GRM8: variants seen among roughly 807,000 people sequenced by gnomAD.
GRM8 encodes the protein glutamate metabotropic receptor 8.
In GRM8, 47 loss-of-function variants were observed where a neutral mutation model predicts 87.2. That is an observed-to-expected ratio of 0.54 (90% CI 0.43 to 0.69). The LOEUF (loss-of-function observed/expected upper bound fraction) is 0.69. Ranked by LOEUF, GRM8 falls within the 30% of genes least tolerant of loss-of-function variation. The pLI, the probability that GRM8 is intolerant of heterozygous loss-of-function variation, is 0.00. For synonymous variants in GRM8, 396 were observed against 404.5 expected (o/e 0.98, Z 0.25); for missense variants, 1,019 against 1,139.2 (o/e 0.89, Z 1.52).
chr7:126,707,373 G>A (rs1171874196), intron 7 of GRM8, among the ~76,000 whole-genome samples: 1 of 152,038 alleles, frequency 6.6e-6, no homozygotes, highest in African/African-American at 2.4e-5. Context: ...TAAGCCAGCT[G>A]GAAACAAGAT....
intron 9 of GRM8, among the ~76,000 whole-genome samples, chr7:126,467,572 A>G (rs777154989): frequency 1.3e-5 from 2 of 151,720 alleles, no homozygotes; most frequent in Non-Finnish European, 2.9e-5. Flanking sequence ...CCACTATTTT[A>G]TTTACTCTTT....
intron 2 of GRM8, among the ~76,000 whole-genome samples, chr7:127,221,550 A>AC (rs1387473402): frequency 6.6e-6 from 1 of 152,088 alleles, no homozygotes; most frequent in Non-Finnish European, 1.5e-5. Flanking sequence ...GGAAGAACAC[A>AC]CCCTGCTATG....
At chr7:127,040,402 A>C (rs140802368) in intron 3 of GRM8, among the ~76,000 whole-genome samples, 10 of 152,272 alleles carry the variant, frequency 6.6e-5, no homozygotes, top group African/African-American at 1.9e-4. Flanking sequence ...AGATGCCACA[A>C]ATGCCCATCC....
chr7:126,626,254 C>G (rs1800679800), intron 7 of GRM8, among the ~76,000 whole-genome samples: 1 of 152,090 alleles, frequency 6.6e-6, no homozygotes, highest in Non-Finnish European at 1.5e-5. Flanking sequence ...TCACATTTAT[C>G]AGTCTTTATA....
chr7:126,539,217 T>C (rs559128561), intron 8 of GRM8, among the ~76,000 whole-genome samples: 1 of 151,330 alleles, frequency 6.6e-6, no homozygotes, highest in East Asian at 1.9e-4. Flanking sequence ...TACTTAGTGA[T>C]AAACTTAGTA....
chr7:126,698,038 C>G (rs560459514), intron 7 of GRM8, among the ~76,000 whole-genome samples: 2 of 152,096 alleles, frequency 1.3e-5, no homozygotes, highest in Non-Finnish European at 2.9e-5. Context: ...CCTTTACATA[C>G]TCCTATTGTC....
intron 2 of GRM8, among the ~76,000 whole-genome samples, chr7:127,235,895 A>AT (rs1491233981): frequency 5.9e-5 from 9 of 152,258 alleles, no homozygotes; most frequent in Non-Finnish European, 1.3e-4. Flanking sequence ...CATAAATCAC[A>AT]TATCTGTTAA....
At chr7:126,744,353 CAG>C (rs1815381740) in intron 7 of GRM8, among the ~76,000 whole-genome samples, 1 of 151,972 alleles carries the variant, frequency 6.6e-6, no homozygotes, top group Admixed American at 6.6e-5. Context: ...GAAAAACTGA[CAG>C]AATTTTCTGC....
intron 6 of GRM8, among the ~76,000 whole-genome samples, chr7:126,806,985 G>T (rs1162731771): frequency 2.0e-5 from 3 of 152,200 alleles, no homozygotes; most frequent in Non-Finnish European, 2.9e-5. Flanking sequence ...CTCGAGCGCG[G>T]CCAGAGCGGA....
intron 2 of GRM8, among the ~76,000 whole-genome samples, chr7:127,206,641 A>T (rs1193358120): frequency 6.9e-6 from 1 of 145,310 alleles, no homozygotes; most frequent in Non-Finnish European, 1.5e-5. Context: ...TCCCAGGCAC[A>T]TGCATGTCAA....
At chr7:126,751,445 T>C (rs931125830) in intron 7 of GRM8, among the ~76,000 whole-genome samples, 2 of 152,152 alleles carry the variant, frequency 1.3e-5, no homozygotes, top group Admixed American at 6.6e-5. Context: ...ATGTTATGTA[T>C]GTACATGTAG....
At chr7:126,474,268 GTA>G (rs35138511) in intron 9 of GRM8, among the ~76,000 whole-genome samples, 24 of 150,232 alleles carry the variant, frequency 1.6e-4, no homozygotes, top group Admixed American at 4.0e-4. Context: ...GTGTGTGTGT[GTA>G]TATATATATA....
chr7:126,681,762 G>A (rs1807618113), intron 7 of GRM8, among the ~76,000 whole-genome samples: 2 of 152,312 alleles, frequency 1.3e-5, no homozygotes, highest in South Asian at 4.1e-4. Context: ...ATAAATTCAA[G>A]AGCACAATAG....
Position 126,902,568 on chromosome 7 carries a change from C to T in GRM8, c.1130G>A (p.Arg377Lys), listed in dbSNP as rs1454348314. 6.2e-7 allele frequency: 1 copy of T among 1,607,436 alleles called. No homozygotes were observed. The highest frequency in any genetic ancestry group is 8.5e-7 in the Non-Finnish European group (1 of 1,177,186). Residue 377 changes from arginine to lysine, a missense_variant, in exon 6 of 11, where the codon AGG (arginine) becomes AAG (lysine). By Grantham distance (26) the Arg-to-Lys change is conservative. Transcript: ENST00000339582. ...FGCKLGSHGK[R>K]NSHIKKCTGL... Reference sequence around the variant, plus strand: ...TGTGCATTTCTTTATATGACTGTTCCTTTTCCCATGTGATCCTAACTTGCA... The same window carrying T: ...TGTGCATTTCTTTATATGACTGTTCTTTTTCCCATGTGATCCTAACTTGCA...
chr7:126,855,377 T>G (rs1322427651), intron 6 of GRM8, among the ~76,000 whole-genome samples: 1 of 152,012 alleles, frequency 6.6e-6, no homozygotes, highest in East Asian at 1.9e-4. Context: ...CTACAGATGA[T>G]AAAACTAAGT....
At chr7:126,904,433 A>G (rs1465369900) in intron 4 of GRM8, 115 bp downstream of exon 4, 5 of 988,802 alleles carry the variant, frequency 5.1e-6, no homozygotes, top group African/African-American at 1.6e-5. Flanking sequence ...ACAAACTAGA[A>G]GGCAGTCTGT....
intron 7 of GRM8, among the ~76,000 whole-genome samples, chr7:126,738,777 G>C (rs574571290): frequency 4.6e-5 from 7 of 150,968 alleles, no homozygotes; most frequent in African/African-American, 1.5e-4. Flanking sequence ...GTTGAGGAAA[G>C]CATGAGTGGT....
chr7:127,095,337 C>A (rs553638602), intron 3 of GRM8, among the ~76,000 whole-genome samples: 47 of 152,216 alleles, frequency 3.1e-4, no homozygotes, highest in African/African-American at 1.1e-3. Flanking sequence ...TGGCTAAGAC[C>A]CAGGAACTGA....
At chr7:126,776,584 A>G (rs1037956442) in intron 6 of GRM8, among the ~76,000 whole-genome samples, 1 of 152,228 alleles carries the variant, frequency 6.6e-6, no homozygotes, top group Non-Finnish European at 1.5e-5. Flanking sequence ...TGTTTAGAGT[A>G]ATCACATACC....
Sources: allele counts gnomAD v4.1 joint callset (sites outside exome capture counted in the v4.1 genomes callset), GRCh38; gene constraint gnomAD v4.1.1; transcripts MANE v1.5; gene names NCBI Gene and HGNC (gene_info 2026-07-23, HGNC 2026-07-21).